Variants in MAN2A1 observed in about 807,000 individuals in gnomAD.
The protein encoded by MAN2A1 is mannosidase alpha class 2A member 1, also known as alpha-mannosidase 2.
A neutral mutation model predicts 142.6 loss-of-function variants in MAN2A1; 76 were observed. The ratio of observed to expected loss-of-function variants is 0.53; its 90% confidence interval spans 0.44 to 0.65. The LOEUF is 0.65. Ranked by LOEUF, MAN2A1 falls within the 30% of genes least tolerant of loss-of-function variation. The pLI is 0.00. For synonymous variants in MAN2A1, 559 were observed against 473.2 expected, an observed-to-expected ratio of 1.18 and a Z score of -2.35; for missense variants, 1,311 against 1,365.1, an observed-to-expected ratio of 0.96 and a Z score of 0.62.
intron 12 of MAN2A1, among the ~76,000 whole-genome samples, chr5:109,816,579 T>G (rs1007459140): frequency 6.6e-6 from 1 of 152,176 alleles, no homozygotes; most frequent in Non-Finnish European, 1.5e-5. Context: ...ATTATGTGAT[T>G]TTCCATATAT....
chr5:109,809,529 G>T (rs1373148872), intron 12 of MAN2A1, among the ~76,000 whole-genome samples: 2 of 152,028 alleles, frequency 1.3e-5, no homozygotes, highest in Non-Finnish European at 2.9e-5. Context: ...TTTTTAGGCT[G>T]GCAGTATTTT....
intron 8 of MAN2A1, among the ~76,000 whole-genome samples, chr5:109,779,153 CTG>C (rs1270069186): frequency 6.6e-6 from 1 of 152,064 alleles, no homozygotes; most frequent in African/African-American, 2.4e-5. Flanking sequence ...AGCACAGGTA[CTG>C]AGTTATTTTT....
chr5:109,690,728 G>A (rs974903586), intron 1 of MAN2A1, among the ~76,000 whole-genome samples, 176 bp downstream of exon 1: 5 of 152,164 alleles, frequency 3.3e-5, no homozygotes, highest in African/African-American at 1.2e-4. Flanking sequence ...ACCTCGCCCG[G>A]GCGCGCCAAG....
At chr5:109,761,379 T>C (rs1228193673) in intron 5 of MAN2A1, among the ~76,000 whole-genome samples, 1 of 151,866 alleles carries the variant, frequency 6.6e-6, no homozygotes, top group Non-Finnish European at 1.5e-5. Flanking sequence ...GTGCTATTTA[T>C]AGTGTTTAGA....
intron 4 of MAN2A1, among the ~76,000 whole-genome samples, chr5:109,751,331 C>T (rs190125081): frequency 9.9e-5 from 15 of 152,046 alleles, no homozygotes; most frequent in African/African-American, 3.6e-4. Flanking sequence ...GATATGATTT[C>T]ATAGGTTTTT....
chr5:109,824,615 G>T (rs1400866839), intron 16 of MAN2A1, among the ~76,000 whole-genome samples: 2 of 152,124 alleles, frequency 1.3e-5, no homozygotes, highest in Non-Finnish European at 2.9e-5. Flanking sequence ...TATCTTTGCT[G>T]TTAGCTAAGT....
chr5:109,851,176 A>G lies in MAN2A1; in HGVS notation c.2976+3386A>G, dbSNP rs115717331. Among the ~76,000 whole-genome samples, 766 of 152,378 alleles carry G rather than the reference A, an allele frequency of 5.0e-3. 5 individuals carry two copies. The highest frequency in any genetic ancestry group is 0.017 in the African/African-American group (721 of 41,592). On this transcript the variant is annotated intron_variant, in intron 19 of 21. Transcript: ENST00000261483. ...TCCTCAGAGAATTCTGCAGAGAGTC[A>G]GTAAAAACAAGGACTTGGATGATAT...
At chr5:109,796,218 T>C (rs1753857493) in intron 12 of MAN2A1, among the ~76,000 whole-genome samples, 1 of 152,214 alleles carries the variant, frequency 6.6e-6, no homozygotes, top group Non-Finnish European at 1.5e-5. Flanking sequence ...CAGATTTTCT[T>C]AACATTTTTG....
chr5:109,705,804 G>C (rs1054478043), intron 1 of MAN2A1, among the ~76,000 whole-genome samples: 1 of 152,134 alleles, frequency 6.6e-6, no homozygotes, highest in Non-Finnish European at 1.5e-5. Context: ...CCAGCTTCTG[G>C]AGGCTGAGTG....
rs141247448 is a variant in MAN2A1, at chr5:109,745,153, T to G, written c.708-10176T>G. Among the ~76,000 whole-genome samples the G allele has an allele frequency of 3.7e-4, 57 of 152,234 alleles. 1 individual carries two copies. The highest frequency in any genetic ancestry group is 1.3e-3 in the African/African-American group (54 of 41,546). On this transcript the variant is annotated intron_variant, in intron 4 of 21. Transcript: ENST00000261483. ...CGGGGCATGAGGGAACTCTCTGAAT[T>G]GGTGGAAGTAGTCTATATTATTTTG...
chr5:109,749,795 T>C (rs1752499055), intron 4 of MAN2A1, among the ~76,000 whole-genome samples: 1 of 152,060 alleles, frequency 6.6e-6, no homozygotes, highest in Non-Finnish European at 1.5e-5. Flanking sequence ...TTCCCCTGCT[T>C]GTCAGAGAAA....
At chr5:109,735,437 C>T (rs889895556) in intron 4 of MAN2A1, among the ~76,000 whole-genome samples, 1 of 152,138 alleles carries the variant, frequency 6.6e-6, no homozygotes, top group South Asian at 2.1e-4. Flanking sequence ...GGTTATTTTG[C>T]TCGTTAGTTG....
chr5:109,753,284 C>T (rs1365370813), intron 4 of MAN2A1, among the ~76,000 whole-genome samples: 1 of 152,256 alleles, frequency 6.6e-6, no homozygotes, highest in East Asian at 1.9e-4. Context: ...ATCAGGCAAT[C>T]ACCAGAAAGA....
At chr5:109,836,047 G>A (rs1291028142) in intron 16 of MAN2A1, among the ~76,000 whole-genome samples, 1 of 151,880 alleles carries the variant, frequency 6.6e-6, no homozygotes, top group Non-Finnish European at 1.5e-5. Context: ...TCATATTTCA[G>A]GCATGGCGTG....
At chr5:109,718,628 A>G (rs1005935061) in intron 3 of MAN2A1, among the ~76,000 whole-genome samples, 1 of 152,152 alleles carries the variant, frequency 6.6e-6, no homozygotes, top group African/African-American at 2.4e-5. Flanking sequence ...CCAAATAAAT[A>G]AGACCTCTTT....
intron 16 of MAN2A1, among the ~76,000 whole-genome samples, chr5:109,832,161 C>CTTTTTTTTTTTTTTTTTTTTTT (rs70999945): frequency 7.8e-5 from 4 of 51,218 alleles, no homozygotes; most frequent in East Asian, 5.3e-4. Flanking sequence ...AAGGAGTTTT[C>CTTTTTTTTTTTTTTTTTTTTTT]TTTTTTTTTT....
At chr5:109,808,984 T>A (rs1246384756) in intron 12 of MAN2A1, among the ~76,000 whole-genome samples, 1 of 152,178 alleles carries the variant, frequency 6.6e-6, no homozygotes, top group African/African-American at 2.4e-5. Flanking sequence ...ATTACAGGCA[T>A]GAGCCACCAC....
intron 12 of MAN2A1, among the ~76,000 whole-genome samples, chr5:109,808,338 A>G (rs1041689716): frequency 1.3e-5 from 2 of 152,242 alleles, no homozygotes; most frequent in African/African-American, 4.8e-5. Flanking sequence ...GATTTCTAGC[A>G]TATTCACTGA....
intron 16 of MAN2A1, among the ~76,000 whole-genome samples, chr5:109,841,220 T>C (rs777303759): frequency 2.0e-5 from 3 of 152,176 alleles, no homozygotes; most frequent in Non-Finnish European, 4.4e-5. Context: ...TAGAGGTGAT[T>C]TGTGAAATTT....
Sources: gnomAD v4.1 joint callset for allele counts (sites outside exome capture counted in the v4.1 genomes callset) on GRCh38, gnomAD v4.1.1 for gene constraint, MANE v1.5 for transcripts, NCBI Gene and HGNC (gene_info 2026-07-23, HGNC 2026-07-21) for gene names.